ZMYM4: variants seen among roughly 807,000 people sequenced by gnomAD.
The protein encoded by ZMYM4 is zinc finger MYM-type protein 4.
In ZMYM4, 31 loss-of-function variants were observed where a neutral mutation model predicts 183.2. The observed-to-expected ratio is 0.17, with a 90% CI of 0.13 to 0.23. The LOEUF (loss-of-function observed/expected upper bound fraction) is 0.23, where lower values mean the gene tolerates loss of function less well. ZMYM4 is among the 10% of genes least tolerant of loss of function. The probability of loss-of-function intolerance (pLI) is 1.00; values close to 1 mark genes in which losing one functional copy is unlikely to be tolerated. For missense variants in ZMYM4, 1,273 were observed against 1,840.3 expected (o/e 0.69, Z 5.64); for synonymous variants, 592 against 631.2 (o/e 0.94, Z 0.93).
At chr1:35,343,332 A>T (rs1324881010) in intron 2 of ZMYM4, among the ~76,000 whole-genome samples, 2 of 152,136 alleles carry the variant, frequency 1.3e-5, no homozygotes, top group Non-Finnish European at 2.9e-5. Context: ...GCTTAAGTTG[A>T]TGATCCATTT....
Position 35,420,705 on chromosome 1 carries a change from C to T in ZMYM4, c.*1028C>T, listed in dbSNP as rs1640297056. The T allele has an allele frequency of 6.6e-6, 1 of 152,612 alleles. No homozygotes were observed. Among genetic ancestry groups the T allele is most frequent in the Non-Finnish European group, 1.5e-5 (1 of 68,044 alleles). The allele number at this position is 152,612 out of a possible 1,614,324, so 9.5% of individuals were successfully genotyped here. ...AGTCTCTTTTCTTACTCTGGCAAAC[C>T]TGTGAGTGATTCCACAAAGATACAG... On this transcript the variant is annotated 3_prime_UTR_variant, in exon 30 of 30. Coordinates refer to ENST00000314607, the MANE Select transcript of ZMYM4 (RefSeq NM_005095.3).
intron 5 of ZMYM4, among the ~76,000 whole-genome samples, chr1:35,363,558 T>C (rs1056662409): frequency 1.3e-5 from 2 of 152,174 alleles, no homozygotes; most frequent in African/African-American, 4.8e-5. Flanking sequence ...CTGAGTCAAA[T>C]TGATGCTCAG....
intron 7 of ZMYM4, among the ~76,000 whole-genome samples, chr1:35,371,518 C>T (rs1644213967): frequency 6.6e-6 from 1 of 152,050 alleles, no homozygotes; most frequent in Admixed American, 6.5e-5. Context: ...TAAGGTCATC[C>T]TGATATATTT....
chr1:35,400,111 C>T (rs1644878155), intron 23 of ZMYM4: 1 of 138,660 alleles, frequency 7.2e-6, no homozygotes, highest in South Asian at 2.4e-4. Context: ...CCACTACACT[C>T]CAGCCTGGGT....
Position 35,321,427 on chromosome 1 carries a change from A to G in ZMYM4, c.40-3933A>G, listed in dbSNP as rs939782691. 2.6e-5 allele frequency among the ~76,000 whole-genome samples: 4 copies of G among 152,192 alleles called. No homozygotes were observed. The East Asian group carries it at 7.7e-4, about 29-fold the overall frequency. On this transcript the variant is annotated intron_variant, in intron 1 of 29. Transcript: ENST00000314607. The stretch of plus-strand genomic sequence containing the variant: ...TACCTGAAAGGTTGGGTGAGCAGCT[A>G]TAGGTTATTTATCATGGCTGGAGCA...
At chr1:35,272,364 T>G (rs1411094681) in intron 1 of ZMYM4, among the ~76,000 whole-genome samples, 2 of 152,228 alleles carry the variant, frequency 1.3e-5, no homozygotes, top group African/African-American at 4.8e-5. Context: ...TGCTAGGCAT[T>G]GTGCTTTGTT....
In ZMYM4 at chr1:35,362,467, A is replaced by G. The variant is rs577407009; in HGVS notation, c.840+678A>G. 9.2e-5 allele frequency among the ~76,000 whole-genome samples: 14 copies of G among 152,372 alleles called. No individual in the cohort carries two copies. In the South Asian group the frequency reaches 2.9e-3, roughly 32 times the overall value. ...TGTTGGAATAGAAGAAAAAAGTTAT[A>G]TCAGATGCTGCAATCATTTTGAAGT... is the stretch of plus-strand genomic sequence containing the variant. On this transcript the variant is annotated intron_variant, in intron 5 of 29. Coordinates refer to ENST00000314607, the MANE Select transcript of ZMYM4 (RefSeq NM_005095.3).
chr1:35,310,751 T>C (rs1242158623), intron 1 of ZMYM4, among the ~76,000 whole-genome samples: 1 of 152,048 alleles, frequency 6.6e-6, no homozygotes, highest in African/African-American at 2.4e-5. Flanking sequence ...GCTAATTTTA[T>C]ATTTTTAGTA....
intron 2 of ZMYM4, among the ~76,000 whole-genome samples, chr1:35,358,263 G>A (rs1459853843): frequency 6.6e-6 from 1 of 151,992 alleles, no homozygotes; most frequent in Non-Finnish European, 1.5e-5. Flanking sequence ...GTTTTGTTTT[G>A]GAATGGGAGA....
At chr1:35,411,278 C>G (rs533546607) in intron 26 of ZMYM4, among the ~76,000 whole-genome samples, 3 of 150,800 alleles carry the variant, frequency 2.0e-5, no homozygotes, top group South Asian at 4.2e-4. Context: ...CTCAGCCTCC[C>G]GAGTAGCTGG....
At chr1:35,285,052 G>C (rs934677521) in intron 1 of ZMYM4, among the ~76,000 whole-genome samples, 1 of 152,010 alleles carries the variant, frequency 6.6e-6, no homozygotes, top group Non-Finnish European at 1.5e-5. Context: ...GCCTGTTCTT[G>C]TGTCAGTACT....
At chr1:35,318,190 C>G (rs1002987901) in intron 1 of ZMYM4, among the ~76,000 whole-genome samples, 1 of 151,220 alleles carries the variant, frequency 6.6e-6, no homozygotes, top group East Asian at 2.0e-4. Flanking sequence ...TCCCGAGTAG[C>G]TGTGACTACA....
At chr1:35,352,033 AT>A (rs774905637) in intron 2 of ZMYM4, among the ~76,000 whole-genome samples, 17 of 152,174 alleles carry the variant, frequency 1.1e-4, no homozygotes, top group Non-Finnish European at 7.3e-5. Flanking sequence ...ACTGCTCTTT[AT>A]TAGAGCTTTC....
intron 2 of ZMYM4, among the ~76,000 whole-genome samples, chr1:35,326,823 A>G (rs1287570099): frequency 2.0e-5 from 3 of 152,148 alleles, no homozygotes; most frequent in African/African-American, 7.2e-5. Context: ...AGAATATACA[A>G]ACTCCACATA....
intron 2 of ZMYM4, among the ~76,000 whole-genome samples, chr1:35,329,367 C>G (rs1242603211): frequency 1.3e-5 from 2 of 152,076 alleles, no homozygotes. Flanking sequence ...AATTCATGTT[C>G]CCTCAACCAT....
At chr1:35,414,217 G>A (rs1023646143) in intron 27 of ZMYM4, 134 bp downstream of exon 27, 10 of 609,670 alleles carry the variant, frequency 1.6e-5, no homozygotes, top group African/African-American at 7.7e-5. Context: ...CTGAGGAGAC[G>A]GTCTTTGGTT....
intron 1 of ZMYM4, among the ~76,000 whole-genome samples, chr1:35,287,437 C>T (rs1284094257): frequency 6.6e-6 from 1 of 151,764 alleles, no homozygotes; most frequent in African/African-American, 2.4e-5. Flanking sequence ...CTGTTTTTGT[C>T]TTTAAAACTA....
intron 26 of ZMYM4, among the ~76,000 whole-genome samples, chr1:35,412,457 G>A (rs1321274592): frequency 6.6e-6 from 1 of 152,140 alleles, no homozygotes; most frequent in African/African-American, 2.4e-5. Flanking sequence ...AGAATGGCAA[G>A]GATAGGCATT....
At chr1:35,382,561 G>A (rs1644488705) in intron 9 of ZMYM4, among the ~76,000 whole-genome samples, 1 of 150,786 alleles carries the variant, frequency 6.6e-6, no homozygotes, top group Admixed American at 6.6e-5. Context: ...TCCTGCCTCA[G>A]CCTCCCAAGT....
Sources: allele counts gnomAD v4.1 joint callset (sites outside exome capture counted in the v4.1 genomes callset), GRCh38; gene constraint gnomAD v4.1.1; transcripts MANE v1.5; gene names NCBI Gene and HGNC (gene_info 2026-07-23, HGNC 2026-07-21).